CHN2: variants seen among roughly 807,000 people sequenced by gnomAD.
CHN2 encodes chimerin 2, also known as beta-chimaerin.
CHN2 carries 35 observed loss-of-function variants against 56.3 expected under a neutral mutation model. That is an observed-to-expected ratio of 0.62 (90% CI 0.47 to 0.82). The LOEUF is 0.82. Among genes scored for constraint, CHN2 ranks in the 40% least tolerant of loss-of-function variants. The pLI is 0.00. For synonymous variants in CHN2, 210 were observed against 212.8 expected (o/e 0.99, Z 0.12); for missense variants, 491 against 580.5 (o/e 0.85, Z 1.58).
intron 6 of CHN2, among the ~76,000 whole-genome samples, chr7:29,414,141 A>C (rs747616341): frequency 1.3e-5 from 2 of 152,190 alleles, no homozygotes; most frequent in Non-Finnish European, 2.9e-5. Context: ...AGACACAAGC[A>C]TGTGTCTCAC....
At chr7:29,251,384 G>A (rs1355006120) in intron 1 of CHN2, among the ~76,000 whole-genome samples, 1 of 151,968 alleles carries the variant, frequency 6.6e-6, no homozygotes, top group African/African-American at 2.4e-5. Flanking sequence ...AGCCTGGGAG[G>A]TCAAGACTGC....
intron 6 of CHN2, among the ~76,000 whole-genome samples, chr7:29,473,480 T>TG (rs1221993716): frequency 0.011 from 1,437 of 130,962 alleles, 28 homozygotes; most frequent in African/African-American, 0.037. Flanking sequence ...GTTTTTTTTT[T>TG]TTTGTGTGTG....
At chr7:29,179,535 C>T (rs554128449) in intron 2 of CHN2, among the ~76,000 whole-genome samples, 4 of 152,310 alleles carry the variant, frequency 2.6e-5, no homozygotes, top group African/African-American at 9.6e-5. Context: ...GATTCTGATA[C>T]TTGTCCTAAG....
intron 1 of CHN2, among the ~76,000 whole-genome samples, chr7:29,327,874 G>A (rs751916469): frequency 6.6e-6 from 1 of 152,054 alleles, no homozygotes; most frequent in Non-Finnish European, 1.5e-5. Flanking sequence ...TTTTGTAGCC[G>A]GAATGTTGTT....
At chr7:29,473,148 G>T (rs911836456) in intron 6 of CHN2, among the ~76,000 whole-genome samples, 1 of 152,224 alleles carries the variant, frequency 6.6e-6, no homozygotes, top group South Asian at 2.1e-4. Context: ...GCCTTAAATC[G>T]TCTTTGGAGG....
At chr7:29,224,005 T>C (rs1278804787) in intron 1 of CHN2, among the ~76,000 whole-genome samples, 4 of 152,170 alleles carry the variant, frequency 2.6e-5, no homozygotes, top group African/African-American at 9.7e-5. Context: ...ATTCAAATCT[T>C]TTCTATTTCA....
chr7:29,217,462 GC>G (rs1208061524), intron 1 of CHN2, among the ~76,000 whole-genome samples: 1 of 152,204 alleles, frequency 6.6e-6, no homozygotes, highest in Non-Finnish European at 1.5e-5. Context: ...GACTGGGAGG[GC>G]CATTGTGGAA....
intron 6 of CHN2, among the ~76,000 whole-genome samples, chr7:29,429,345 C>T (rs1432613781): frequency 6.6e-6 from 1 of 152,164 alleles, no homozygotes. Flanking sequence ...GGTGGTATTG[C>T]AGTAAGAGTG....
chr7:29,157,563 G>A (rs1452365658), intron 2 of CHN2, among the ~76,000 whole-genome samples: 1 of 152,116 alleles, frequency 6.6e-6, no homozygotes, highest in African/African-American at 2.4e-5. Flanking sequence ...AAAATCCAAA[G>A]TATGAAAATA....
chr7:29,462,868 A>G (rs1785268824), intron 6 of CHN2, among the ~76,000 whole-genome samples: 1 of 149,134 alleles, frequency 6.7e-6, no homozygotes, highest in Admixed American at 6.7e-5. Flanking sequence ...GCACCCAATA[A>G]CTCGTCATTT....
chr7:29,363,042 A>G (rs1385391781), intron 2 of CHN2, among the ~76,000 whole-genome samples: 1 of 152,234 alleles, frequency 6.6e-6, no homozygotes, highest in Non-Finnish European at 1.5e-5. Flanking sequence ...TGTGGATTCT[A>G]TAGTCCTTCT....
chr7:29,336,110 C>T (rs1293106676), intron 1 of CHN2: 1 of 152,182 alleles, frequency 6.6e-6, no homozygotes, highest in Non-Finnish European at 1.5e-5. Flanking sequence ...CGTTTGCCTA[C>T]AAGAGAAGGT....
chr7:29,393,855 C>T (rs1484671924), intron 4 of CHN2, 145 bp downstream of exon 4: 1 of 262,042 alleles, frequency 3.8e-6, no homozygotes, highest in Non-Finnish European at 7.0e-6. Flanking sequence ...AATCAGACTC[C>T]TTTGAATTAA....
At chr7:29,271,578 A>G (rs771944131) in intron 1 of CHN2, among the ~76,000 whole-genome samples, 1 of 152,192 alleles carries the variant, frequency 6.6e-6, no homozygotes, top group Admixed American at 6.5e-5. Context: ...GTAGGAAATC[A>G]GGTGCTTGCT....
intron 2 of CHN2, chr7:29,181,295 A>C (rs968006571): frequency 4.6e-5 from 7 of 152,204 alleles, no homozygotes; most frequent in African/African-American, 1.7e-4. Context: ...CTCACATTGT[A>C]GTTTGAACTG....
chr7:29,492,267 T>C (rs80086803), intron 7 of CHN2, among the ~76,000 whole-genome samples: 4 of 152,324 alleles, frequency 2.6e-5, no homozygotes, highest in Non-Finnish European at 5.9e-5. Flanking sequence ...ATAACCTGTT[T>C]TGGTTTTTGT....
intron 2 of CHN2, among the ~76,000 whole-genome samples, chr7:29,166,818 G>A (rs1795979088): frequency 6.6e-6 from 1 of 151,868 alleles, no homozygotes; most frequent in Non-Finnish European, 1.5e-5. Context: ...TTATTCCAAT[G>A]ATATTCTCTA....
chr7:29,164,306 T>C (rs1795601719), intron 2 of CHN2, among the ~76,000 whole-genome samples: 1 of 152,198 alleles, frequency 6.6e-6, no homozygotes, highest in Admixed American at 6.5e-5. Context: ...TTGTAAAATG[T>C]CTATTTGATT....
intron 1 of CHN2, among the ~76,000 whole-genome samples, chr7:29,296,042 G>C (rs1793127529): frequency 6.6e-6 from 1 of 151,962 alleles, no homozygotes; most frequent in Non-Finnish European, 1.5e-5. Context: ...CCTAGGCCAG[G>C]ATTACTCTAA....
Sources: gnomAD v4.1 joint callset for allele counts (sites outside exome capture counted in the v4.1 genomes callset) on GRCh38, gnomAD v4.1.1 for gene constraint, MANE v1.5 for transcripts, NCBI Gene and HGNC (gene_info 2026-07-23, HGNC 2026-07-21) for gene names.